The following AHCYL2 variants were observed in gnomAD, a reference collection of about 807,000 sequenced individuals.
AHCYL2 encodes the protein S-adenosylhomocysteine hydrolase-like protein 2.
AHCYL2 carries 28 observed loss-of-function variants against 81.4 expected under a neutral mutation model. The observed-to-expected ratio is 0.34, with a 90% CI of 0.25 to 0.47. AHCYL2 has a LOEUF of 0.47. AHCYL2 is among the 20% of genes least tolerant of loss of function. The probability of loss-of-function intolerance (pLI) is 1.00; values close to 1 mark genes in which losing one functional copy is unlikely to be tolerated. For missense variants in AHCYL2, 551 were observed against 785.1 expected (o/e 0.70, Z 3.56); for synonymous variants, 272 against 290.2 (o/e 0.94, Z 0.64).
intron 1 of AHCYL2, among the ~76,000 whole-genome samples, chr7:129,301,965 G>T (rs774624825): frequency 2.7e-4 from 41 of 152,058 alleles, no homozygotes; most frequent in Non-Finnish European, 4.4e-4. Context: ...TTCTGCTTTA[G>T]GTAGGATGGA....
chr7:129,335,145 G>T (rs1180186163), intron 1 of AHCYL2, among the ~76,000 whole-genome samples: 1 of 152,126 alleles, frequency 6.6e-6, no homozygotes, highest in Admixed American at 6.5e-5. Context: ...ACTTTGGGAG[G>T]CCAGGGCGGA....
At chr7:129,340,950 A>G (rs1049300359) in intron 1 of AHCYL2, among the ~76,000 whole-genome samples, 1 of 152,150 alleles carries the variant, frequency 6.6e-6, no homozygotes, top group African/African-American at 2.4e-5. Context: ...TGTGTCCATG[A>G]TTGAAATCAG....
At chr7:129,254,100 T>C (rs528173027) in intron 1 of AHCYL2, among the ~76,000 whole-genome samples, 4 of 152,312 alleles carry the variant, frequency 2.6e-5, no homozygotes, top group African/African-American at 7.2e-5. Context: ...GAGATGTTAG[T>C]ATAACATCTA....
intron 1 of AHCYL2, among the ~76,000 whole-genome samples, chr7:129,248,688 TA>T (rs1795145205): frequency 6.6e-6 from 1 of 151,700 alleles, no homozygotes; most frequent in Admixed American, 6.6e-5. Context: ...GATTTTAGGA[TA>T]AGCTTGTCAA....
At chr7:129,276,524 G>A (rs1347331820) in intron 1 of AHCYL2, among the ~76,000 whole-genome samples, 3 of 151,812 alleles carry the variant, frequency 2.0e-5, no homozygotes, top group African/African-American at 4.8e-5. Flanking sequence ...GCTGAGGCAG[G>A]TGGATCACTT....
chr7:129,382,723 T>G (rs974109307), intron 2 of AHCYL2, among the ~76,000 whole-genome samples: 1 of 151,576 alleles, frequency 6.6e-6, no homozygotes, highest in African/African-American at 2.4e-5. Flanking sequence ...CTGACCAACA[T>G]GGAGAAACCC....
chr7:129,264,569 A>G (rs946645924), intron 1 of AHCYL2, among the ~76,000 whole-genome samples: 3 of 152,256 alleles, frequency 2.0e-5, no homozygotes, highest in Non-Finnish European at 4.4e-5. Context: ...AGAAAATTAA[A>G]CAAGCAAGCT....
At chr7:129,270,732 T>G (rs188229489) in intron 1 of AHCYL2, among the ~76,000 whole-genome samples, 23 of 152,320 alleles carry the variant, frequency 1.5e-4, no homozygotes, top group Admixed American at 3.9e-4. Context: ...GCTAAGTTCC[T>G]CAAAGGGTTT....
At chr7:129,345,383 T>C (rs183761474) in intron 1 of AHCYL2, among the ~76,000 whole-genome samples, 1 of 152,328 alleles carries the variant, frequency 6.6e-6, no homozygotes, top group African/African-American at 2.4e-5. Context: ...AAAGAAACTT[T>C]GTAAGATGAC....
Position 129,311,821 on chromosome 7 carries a change from C to T in AHCYL2, c.364-67817C>T, listed in dbSNP as rs115044540. On this transcript the variant is annotated intron_variant, in intron 1 of 16. Transcript: ENST00000325006. ...GTTTTCAGTTTATAGCTGGAGGGAA[C>T]TTGTTAAAACCTATGTCAGATCATG... Among the ~76,000 whole-genome samples, 320 of 152,256 alleles carry T rather than the reference C, an allele frequency of 2.1e-3. 1 individual carries two copies. The highest frequency in any genetic ancestry group is 7.1e-3 in the African/African-American group (297 of 41,544).
At position 129,358,316 on chromosome 7, in the gene AHCYL2, C is replaced by G. The variant is rs185487916; in HGVS notation, c.364-21322C>G. Among the ~76,000 whole-genome samples the G allele has an allele frequency of 2.1e-3, 315 of 151,932 alleles. 1 individual carries two copies. The highest frequency in any genetic ancestry group is 6.7e-3 in the African/African-American group (277 of 41,432). On this transcript the variant is annotated intron_variant, in intron 1 of 16. Coordinates refer to ENST00000325006, the MANE Select transcript of AHCYL2 (RefSeq NM_015328.4). ...CTGAGGCAGGAGAATGGCGTGAACCCGGGAGGCGGGGCTTCCTGTGAGCAG... is the reference window on the plus strand; with the variant it reads ...CTGAGGCAGGAGAATGGCGTGAACCGGGGAGGCGGGGCTTCCTGTGAGCAG...
chr7:129,268,083 C>T (rs1795881146), intron 1 of AHCYL2, among the ~76,000 whole-genome samples: 1 of 152,082 alleles, frequency 6.6e-6, no homozygotes, highest in African/African-American at 2.4e-5. Flanking sequence ...CCTAGTTCTA[C>T]TAGGAGTAAA....
At chr7:129,294,167 T>C (rs1261104335) in intron 1 of AHCYL2, among the ~76,000 whole-genome samples, 1 of 152,234 alleles carries the variant, frequency 6.6e-6, no homozygotes, top group Non-Finnish European at 1.5e-5. Context: ...TTACTTTGTG[T>C]ACCTATGATG....
At chr7:129,410,922 A>G (rs531853765) in intron 11 of AHCYL2, among the ~76,000 whole-genome samples, 1 of 152,158 alleles carries the variant, frequency 6.6e-6, no homozygotes, top group African/African-American at 2.4e-5. Context: ...GTTCATATCA[A>G]TCCCCTGGAT....
At chr7:129,373,477 G>T (rs1794517913) in intron 1 of AHCYL2, among the ~76,000 whole-genome samples, 1 of 152,070 alleles carries the variant, frequency 6.6e-6, no homozygotes, top group African/African-American at 2.4e-5. Flanking sequence ...GCATGCGCCT[G>T]TAGTCCCAGC....
intron 1 of AHCYL2, among the ~76,000 whole-genome samples, chr7:129,328,135 TTA>T (rs1406151446): frequency 2.0e-5 from 3 of 151,936 alleles, no homozygotes; most frequent in Non-Finnish European, 2.9e-5. Context: ...AACTATCACA[TTA>T]TTCCCTTTGG....
intron 1 of AHCYL2, among the ~76,000 whole-genome samples, chr7:129,330,047 G>A (rs6467239): frequency 1.3e-5 from 2 of 152,024 alleles, no homozygotes; most frequent in Non-Finnish European, 2.9e-5. Flanking sequence ...TGTTGTTGCC[G>A]AGGCTGGAGT....
At chr7:129,282,055 G>A (rs1295696962) in intron 1 of AHCYL2, among the ~76,000 whole-genome samples, 1 of 151,986 alleles carries the variant, frequency 6.6e-6, no homozygotes, top group Non-Finnish European at 1.5e-5. Flanking sequence ...TTCCTTTGTT[G>A]ATTCCTAATT....
chr7:129,246,608 T>C (rs1326745353), intron 1 of AHCYL2, among the ~76,000 whole-genome samples: 1 of 152,152 alleles, frequency 6.6e-6, no homozygotes, highest in Non-Finnish European at 1.5e-5. Flanking sequence ...ATCGATCTTC[T>C]CATCTCACCT....
Sources: gnomAD v4.1 joint callset for allele counts (sites outside exome capture counted in the v4.1 genomes callset) on GRCh38, gnomAD v4.1.1 for gene constraint, MANE v1.5 for transcripts, NCBI Gene and HGNC (gene_info 2026-07-23, HGNC 2026-07-21) for gene names.